Variants in FHAD1 observed in about 807,000 individuals in gnomAD.
FHAD1 encodes forkhead associated phosphopeptide binding domain 1, also known as forkhead-associated domain-containing protein 1.
A neutral mutation model predicts 191.3 loss-of-function variants in FHAD1; 146 were observed. That is an observed-to-expected ratio of 0.76 (90% CI 0.67 to 0.88). The LOEUF (loss-of-function observed/expected upper bound fraction) is 0.88, where lower values mean the gene tolerates loss of function less well. Ranked by LOEUF, FHAD1 falls within the 40% of genes least tolerant of loss-of-function variation. The pLI is 0.00. For missense variants in FHAD1, 1,635 were observed against 1,785.8 expected, an observed-to-expected ratio of 0.92 and a Z score of 1.52; for synonymous variants, 616 against 672.3, an observed-to-expected ratio of 0.92 and a Z score of 1.29.
At chr1:15,363,591 A>T in intron 23 of FHAD1, 1 of 347,146 alleles carries the variant, frequency 2.9e-6, no homozygotes, top group East Asian at 7.7e-5. Context: ...AGCTAGAGGC[A>T]AGCCCACTCA....
chr1:15,332,200 C>T (rs1200386593), intron 14 of FHAD1, among the ~76,000 whole-genome samples: 1 of 152,114 alleles, frequency 6.6e-6, no homozygotes, highest in African/African-American at 2.4e-5. Flanking sequence ...ACTGTTCTTG[C>T]AATCAAGGCA....
intron 4 of FHAD1, 88 bp from the exon 5 acceptor site, chr1:15,296,596 C>G (rs760185696): frequency 8.4e-7 from 1 of 1,188,576 alleles, no homozygotes; most frequent in Admixed American, 2.0e-5. Flanking sequence ...TGGGGGGAAA[C>G]AAACAGGAAG....
chr1:15,301,174 C>A (rs772923462), intron 5 of FHAD1, 31 bp from the exon 6 acceptor site: 1 of 1,536,484 alleles, frequency 6.5e-7, no homozygotes, highest in Non-Finnish European at 8.8e-7. Context: ...AGGCCCACAC[C>A]TAGTAAGCCT....
At chr1:15,278,068 T>C (rs1261462381) in intron 3 of FHAD1, among the ~76,000 whole-genome samples, 1 of 152,212 alleles carries the variant, frequency 6.6e-6, no homozygotes, top group East Asian at 1.9e-4. Context: ...AATCCCATGT[T>C]CTTAACCAGA....
intron 33 of FHAD1, among the ~76,000 whole-genome samples, chr1:15,394,157 C>T (rs953923585): frequency 2.0e-5 from 3 of 152,200 alleles, no homozygotes; most frequent in Non-Finnish European, 2.9e-5. Context: ...CCCAGGTCAG[C>T]GGTCCTGGCT....
At chr1:15,274,674 A>T (rs79581379) in intron 3 of FHAD1, among the ~76,000 whole-genome samples, 2,548 of 152,248 alleles carry the variant, frequency 0.017, 71 homozygotes, top group African/African-American at 0.058. Context: ...TGAGAACGGT[A>T]GAGTTATTAT....
At chr1:15,269,915 CTTT>C (rs144971337) in intron 2 of FHAD1, among the ~76,000 whole-genome samples, 8 of 123,056 alleles carry the variant, frequency 6.5e-5, no homozygotes, top group Admixed American at 9.2e-5. Context: ...TTATGGCTCT[CTTT>C]TTTTTTTTTT....
At position 15,381,192 on chromosome 1, in the gene FHAD1, G is replaced by T. The variant is rs76323473; in HGVS notation, c.3802-39G>T. 22,708 of 1,439,830 alleles carry T rather than the reference G, an allele frequency of 0.016. 2,482 individuals carry two copies. The African/African-American group carries it at 0.26, about 16-fold the overall frequency. 89.2% of individuals were successfully genotyped at this position (1,439,830 alleles called of 1,614,324 possible). A position where few individuals can be genotyped will look rare whatever the true frequency, so the allele number is the denominator to read the frequency against. On this transcript the variant is annotated intron_variant, in intron 29 of 33. Coordinates refer to ENST00000688493, the MANE Select transcript of FHAD1 (RefSeq NM_001391957.1). This position sits in a 1 kb window ranked among gnomAD's most constrained non-coding sequence, Gnocchi z 4.6. ...CTCCTTAAAGCGGCCACCAGCGGCC[G>T]CGGGTAATGCCTCTTATGCGCGAAC...
Position 15,329,046 on chromosome 1 carries a change from A to T in FHAD1, c.1711-300A>T. ...GCAGGAATTCTGACGAATGGAAAAA[A>T]GAAGTAGCCACATTTGCTTCTCATT... is the stretch of plus-strand genomic sequence containing the variant. On this transcript the variant is annotated intron_variant, in intron 13 of 33. Transcript: ENST00000688493. The surrounding 1 kb of genome is among the most constrained non-coding windows in gnomAD (Gnocchi z 5.0). 1 of 221,644 alleles carries T rather than the reference A, an allele frequency of 4.5e-6. No homozygotes were observed. Among genetic ancestry groups the T allele is most frequent in the Non-Finnish European group, 8.8e-6 (1 of 113,434 alleles). The allele number at this position is 221,644 out of a possible 1,614,324, so 13.7% of individuals were successfully genotyped here.
At chr1:15,281,313 A>G (rs1660513851) in intron 3 of FHAD1, among the ~76,000 whole-genome samples, 1 of 152,146 alleles carries the variant, frequency 6.6e-6, no homozygotes, top group Non-Finnish European at 1.5e-5. Context: ...TTATTAGGGT[A>G]AAATTGAGTA....
intron 2 of FHAD1, among the ~76,000 whole-genome samples, chr1:15,260,747 C>T (rs934395551): frequency 6.6e-6 from 1 of 152,232 alleles, no homozygotes; most frequent in Non-Finnish European, 1.5e-5. Flanking sequence ...CCCCGTCTGA[C>T]TCATCTCTCC....
At chr1:15,261,287 G>T (rs2100992035) in intron 2 of FHAD1, among the ~76,000 whole-genome samples, 1 of 152,266 alleles carries the variant, frequency 6.6e-6, no homozygotes, top group African/African-American at 2.4e-5. Context: ...ACGTATGACG[G>T]GCACAGAGGG....
intron 20 of FHAD1, among the ~76,000 whole-genome samples, chr1:15,353,381 C>G (rs1691536671): frequency 6.6e-6 from 1 of 152,148 alleles, no homozygotes; most frequent in Admixed American, 6.5e-5. Context: ...TACACTTCAG[C>G]TTTGTGTGGG....
intron 3 of FHAD1, among the ~76,000 whole-genome samples, chr1:15,280,837 A>G (rs1660347676): frequency 6.6e-6 from 1 of 152,218 alleles, no homozygotes; most frequent in South Asian, 2.1e-4. Context: ...ACTTAAAGGA[A>G]AAGGAAAACT....
At chr1:15,356,342 G>A (rs1356542471) in intron 20 of FHAD1, among the ~76,000 whole-genome samples, 4 of 152,202 alleles carry the variant, frequency 2.6e-5, no homozygotes, top group Admixed American at 2.0e-4. Flanking sequence ...CACAAGGTCA[G>A]CACATGCGGT....
intron 1 of FHAD1, among the ~76,000 whole-genome samples, chr1:15,239,205 C>T (rs1459798557): frequency 6.6e-6 from 1 of 152,152 alleles, no homozygotes; most frequent in East Asian, 1.9e-4. Context: ...CCATGCTCAG[C>T]CCCTAAACTC....
At chr1:15,307,272 T>TG (rs1175146380) in intron 6 of FHAD1, among the ~76,000 whole-genome samples, 2 of 152,212 alleles carry the variant, frequency 1.3e-5, no homozygotes, top group African/African-American at 4.8e-5. Context: ...GTACCCCCAT[T>TG]GTACCTAGGA....
chr1:15,395,572 G>T (rs1705661909), intron 33 of FHAD1, among the ~76,000 whole-genome samples: 1 of 152,152 alleles, frequency 6.6e-6, no homozygotes, highest in African/African-American at 2.4e-5. Context: ...GAAAAGCCCA[G>T]CTGTGCCAAG....
At chr1:15,346,043 C>T (rs1688810081) in intron 18 of FHAD1, among the ~76,000 whole-genome samples, 1 of 152,150 alleles carries the variant, frequency 6.6e-6, no homozygotes, top group Non-Finnish European at 1.5e-5. Flanking sequence ...TCCGCCCTCC[C>T]CTGCGCTCCC....
Sources: gnomAD v4.1 joint callset for allele counts (sites outside exome capture counted in the v4.1 genomes callset) on GRCh38, gnomAD v4.1.1 for gene constraint, Gnocchi (gnomAD v3.1) non-coding constraint, MANE v1.5 for transcripts, NCBI Gene and HGNC (gene_info 2026-07-23, HGNC 2026-07-21) for gene names.